The following FANCD2OS variants were observed in gnomAD, a reference collection of about 807,000 sequenced individuals.
FANCD2OS encodes the protein FANCD2 opposite strand protein.
In FANCD2OS, 11 loss-of-function variants were observed where a neutral mutation model predicts 13.2. The observed-to-expected ratio is 0.83, with a 90% CI of 0.52 to 1.38. The LOEUF is 1.38. Ranked by LOEUF, FANCD2OS falls within the 40% of genes most tolerant of loss-of-function variation. The pLI is 0.00. For synonymous variants in FANCD2OS, 69 were observed against 84.5 expected (o/e 0.82, Z 1.01); for missense variants, 217 against 213.9 (o/e 1.01, Z -0.09).
chr3:10,089,033 A>G, intron 2 of FANCD2OS: 1 of 1,508,744 alleles, frequency 6.6e-7, no homozygotes, highest in Non-Finnish European at 9.2e-7. Flanking sequence ...CTGTAATCCC[A>G]GCACTTTGGG....
chr3:10,084,209 G>A (rs1047335739), intron 2 of FANCD2OS, among the ~76,000 whole-genome samples: 8 of 150,566 alleles, frequency 5.3e-5, no homozygotes, highest in Non-Finnish European at 1.2e-4. Context: ...GGCCAGGCTG[G>A]TCTTGAACTC....
At chr3:10,095,173 G>A in intron 2 of FANCD2OS, 1 of 1,575,736 alleles carries the variant, frequency 6.3e-7, no homozygotes, top group Non-Finnish European at 8.7e-7. Flanking sequence ...ACATTTCATA[G>A]AGCATTTATA....
At chr3:10,085,807 C>T (rs1436199001) in intron 2 of FANCD2OS, 1 of 1,601,596 alleles carries the variant, frequency 6.2e-7, no homozygotes, top group African/African-American at 1.3e-5. Context: ...CCTTGACTTC[C>T]TTAGGAGTGG....
chr3:10,101,129 C>A, downstream of FANCD2OS: 1 of 1,292,364 alleles, frequency 7.7e-7, no homozygotes, highest in Non-Finnish European at 1.1e-6. Flanking sequence ...GAGCTGTATT[C>A]CAGAGGTCAC....
downstream of FANCD2OS, chr3:10,103,005 C>A (rs775327690): frequency 9.7e-6 from 4 of 410,474 alleles, no homozygotes; most frequent in South Asian, 7.0e-5. Context: ...CGCTGTAATC[C>A]CAACACTTTG....
chr3:10,103,904 T>G (rs1328949284), downstream of FANCD2OS: 1 of 226,210 alleles, frequency 4.4e-6, no homozygotes, highest in Admixed American at 5.0e-5. Context: ...TACACCCCTT[T>G]TCCCCCCAAT....
intron 2 of FANCD2OS, among the ~76,000 whole-genome samples, chr3:10,095,829 GTTAC>G (rs1472197055): frequency 6.6e-6 from 1 of 150,512 alleles, no homozygotes; most frequent in Non-Finnish European, 1.5e-5. Context: ...TCCAGTTTCT[GTTAC>G]TTACTTCCTC....
rs753995654 is a variant in FANCD2OS, at chr3:10,104,191, T to G, written c.*50A>C. ...TGGACAGGTTTCTGTAAGCTTTAGG[T>G]ACATACCAAAGGGCATGGTGTGAGT... On this transcript the variant is annotated 3_prime_UTR_variant, in exon 2 of 2. Coordinates refer to ENST00000450660, the MANE Select transcript of FANCD2OS (RefSeq NM_001164839.2). 6 of 1,476,348 alleles carry G rather than the reference T, an allele frequency of 4.1e-6. No individual in the cohort carries two copies. The African/African-American group carries it at 8.4e-5, about 21-fold the overall frequency. 91.5% of individuals were successfully genotyped at this position (1,476,348 alleles called of 1,614,324 possible).
In FANCD2OS at chr3:10,104,630, G is replaced by T. The variant is rs142457563; in HGVS notation, c.145C>A (p.Gln49Lys). 5.0e-6 allele frequency: 8 copies of T among 1,614,080 alleles called. No individual in the cohort carries two copies. The African/African-American group carries it at 1.1e-4, about 22-fold the overall frequency. Residue 49 changes from glutamine to lysine, a missense_variant, in exon 2 of 2, where the codon CAG (glutamine) becomes AAG (lysine). Coordinates refer to ENST00000450660, the MANE Select transcript of FANCD2OS (RefSeq NM_001164839.2). Reference sequence around the variant, plus strand: ...AGAGTGACCTCTTGAAAGCACAGCTGCACTTCAAGGTCGGACGGTGTGTGT... The same window carrying T: ...AGAGTGACCTCTTGAAAGCACAGCTTCACTTCAAGGTCGGACGGTGTGTGT... ...FPHTPSDLEV[Q>K]LCFQEVTLVL...
chr3:10,082,538 C>G (rs756231051), intron 2 of FANCD2OS, among the ~76,000 whole-genome samples: 1 of 152,128 alleles, frequency 6.6e-6, no homozygotes, highest in Non-Finnish European at 1.5e-5. Flanking sequence ...CCTGCTATTC[C>G]ACTTATTATG....
At chr3:10,085,650 G>T in intron 2 of FANCD2OS, 1 of 628,572 alleles carries the variant, frequency 1.6e-6, no homozygotes, top group South Asian at 1.5e-5. Context: ...TCAGCCTCCC[G>T]AAGTGCTGGG....
exon 3 of FANCD2OS, chr3:10,081,395 T>C (rs754574116): frequency 1.9e-6 from 3 of 1,614,136 alleles, no homozygotes; most frequent in Non-Finnish European, 2.5e-6. Context: ...GGAGTGAAAG[T>C]TCAGGAGTAC....
chr3:10,102,143 CTTTT>C (rs747148572), downstream of FANCD2OS, among the ~76,000 whole-genome samples: 3 of 133,200 alleles, frequency 2.3e-5, no homozygotes. Flanking sequence ...ATCTTCTTTC[CTTTT>C]TTTTTTTTTT....
intron 2 of FANCD2OS, chr3:10,092,132 G>T (rs760997218): frequency 2.5e-6 from 3 of 1,191,556 alleles, no homozygotes; most frequent in Non-Finnish European, 3.8e-6. Context: ...TACAGTAAGG[G>T]AAGTATTTGG....
At chr3:10,106,229 T>C (rs1482616053) in intron 1 of FANCD2OS, among the ~76,000 whole-genome samples, 1 of 152,150 alleles carries the variant, frequency 6.6e-6, no homozygotes, top group Non-Finnish European at 1.5e-5. Context: ...AAATTTGTTT[T>C]TCTGATTTGT....
chr3:10,089,356 A>T (rs1035181370), intron 2 of FANCD2OS, among the ~76,000 whole-genome samples: 4 of 152,164 alleles, frequency 2.6e-5, no homozygotes, highest in African/African-American at 9.7e-5. Flanking sequence ...GCTCCTCCTC[A>T]TCTAATTCTG....
chr3:10,100,262 G>C (rs1235031147), downstream of FANCD2OS, among the ~76,000 whole-genome samples: 2 of 152,182 alleles, frequency 1.3e-5, no homozygotes, highest in African/African-American at 2.4e-5. Context: ...CAGAATTTGA[G>C]GCAGACAATA....
In FANCD2OS at chr3:10,104,343, CTG is replaced by C; in HGVS notation, c.430_431del (p.Gln144AspfsTer61). The C allele has an allele frequency of 1.2e-6, 2 of 1,614,200 alleles. No homozygotes were observed. Among genetic ancestry groups the C allele is most frequent in the East Asian group, 2.2e-5 (1 of 44,888 alleles). Reference protein sequence around the residue: ...HQWPIGLKEPQIQMTVTMCKQ... With the variant: ...HQWPIGLKEPXIQMTVTMCKQ... ...TGCACATAGTGACTGTCATCTGAAT[CTG>C]AGGCTCCTTCAGTCCAATGGGCCAC... On this transcript the variant is annotated frameshift_variant, in exon 2 of 2. Transcript: ENST00000450660. LOFTEE classifies it high-confidence loss of function.
In FANCD2OS at chr3:10,087,258, A is replaced by G. The variant is rs1694263676; in HGVS notation, c.*44-5727T>C. ...AACAGCTTCTGCTCAGAACAAAGAA[A>G]AAATTGGTGATGGGCCTAGATCCTT... On this transcript the variant is annotated intron_variant, in intron 2 of 2. Coordinates refer to the FANCD2OS transcript ENST00000524279. The G allele has an allele frequency of 1.2e-6, 2 of 1,611,772 alleles. No homozygotes were observed. The highest frequency in any genetic ancestry group is 1.7e-6 in the Non-Finnish European group (2 of 1,179,090).
Sources: allele counts gnomAD v4.1 joint callset (sites outside exome capture counted in the v4.1 genomes callset), GRCh38; gene constraint gnomAD v4.1.1; transcripts MANE v1.5; gene names NCBI Gene and HGNC (gene_info 2026-07-23, HGNC 2026-07-21).